Variants in UHRF2 observed in about 807,000 individuals in gnomAD.
The protein encoded by UHRF2 is E3 ubiquitin-protein ligase UHRF2.
In UHRF2, 23 loss-of-function variants were observed where a neutral mutation model predicts 96.8. The observed-to-expected ratio is 0.24, with a 90% CI of 0.17 to 0.34. UHRF2 has a LOEUF of 0.34. Among genes scored for constraint, UHRF2 ranks in the 10% least tolerant of loss-of-function variants. UHRF2 has a pLI of 1.00. For synonymous variants in UHRF2, 385 were observed against 332.6 expected, an observed-to-expected ratio of 1.16 and a Z score of -1.72; for missense variants, 685 against 981.5, an observed-to-expected ratio of 0.70 and a Z score of 4.04.
chr9:6,481,869 T>G (rs913310771), intron 7 of UHRF2, 103 bp downstream of exon 7: 3 of 1,536,264 alleles, frequency 2.0e-6, no homozygotes, highest in East Asian at 4.6e-5. Flanking sequence ...GTATCATTAT[T>G]TGTTAATATC....
chr9:6,435,471 G>T (rs535037705), intron 3 of UHRF2, among the ~76,000 whole-genome samples: 40 of 152,268 alleles, frequency 2.6e-4, no homozygotes, highest in South Asian at 1.9e-3. Flanking sequence ...TTCACATACA[G>T]TTTACCTGTT....
At chr9:6,462,666 C>G (rs570248566) in intron 4 of UHRF2, among the ~76,000 whole-genome samples, 1 of 152,324 alleles carries the variant, frequency 6.6e-6, no homozygotes, top group African/African-American at 2.4e-5. Context: ...TGCCTGTAAT[C>G]CCAGCACTTT....
At chr9:6,424,641 AT>A (rs1448440947) in intron 2 of UHRF2, among the ~76,000 whole-genome samples, 1 of 151,968 alleles carries the variant, frequency 6.6e-6, no homozygotes. Context: ...AGTGTGGTGT[AT>A]TTGTTGAAAT....
intron 9 of UHRF2, among the ~76,000 whole-genome samples, chr9:6,489,002 G>GT (rs1219315134): frequency 6.6e-6 from 1 of 151,756 alleles, no homozygotes; most frequent in Non-Finnish European, 1.5e-5. Flanking sequence ...TATAGGTGGG[G>GT]TTTCACCATG....
chr9:6,506,905 G>T lies in UHRF2; in HGVS notation c.*726G>T, dbSNP rs919778667. The T allele has an allele frequency of 2.0e-5, 3 of 152,634 alleles. No individual in the cohort carries two copies. Among genetic ancestry groups the T allele is most frequent in the Non-Finnish European group, 4.4e-5 (3 of 68,040 alleles). 9.5% of individuals were successfully genotyped at this position (152,634 alleles called of 1,614,324 possible). On this transcript the variant is annotated 3_prime_UTR_variant, in exon 16 of 16. Transcript: ENST00000276893. The stretch of plus-strand genomic sequence containing the variant: ...TTCTCTACTAGTCGAACTGCTTTTA[G>T]TGTCTCACCAGTGGTTTTACATCTG...
At chr9:6,465,733 T>C (rs1022918766) in intron 4 of UHRF2, among the ~76,000 whole-genome samples, 1 of 152,180 alleles carries the variant, frequency 6.6e-6, no homozygotes, top group East Asian at 1.9e-4. Flanking sequence ...ATCCTCTCTA[T>C]TGTATTGAAG....
intron 10 of UHRF2, chr9:6,496,033 T>C (rs1273813334): frequency 6.6e-6 from 1 of 152,166 alleles, no homozygotes; most frequent in African/African-American, 2.4e-5. Flanking sequence ...CTTCAACTCT[T>C]TGACCACAGC....
intron 10 of UHRF2, chr9:6,496,364 G>C (rs887218046): frequency 2.6e-5 from 4 of 152,158 alleles, no homozygotes; most frequent in African/African-American, 9.7e-5. Flanking sequence ...TTTTAAAATA[G>C]TAAAAATAAC....
intron 3 of UHRF2, among the ~76,000 whole-genome samples, chr9:6,445,981 C>CTTTGTTTTTTGTTTTT (rs751155835): frequency 3.8e-5 from 3 of 78,898 alleles, no homozygotes; most frequent in Admixed American, 1.6e-4. Flanking sequence ...CCCCGCCACC[C>CTTTGTTTTTTGTTTTT]TTTTTTTTTT....
Position 6,475,513 on chromosome 9 carries a change from G to T in UHRF2, c.973+13G>T. On this transcript the variant is annotated intron_variant, in intron 5 of 15. Coordinates refer to ENST00000276893, the MANE Select transcript of UHRF2 (RefSeq NM_152896.3). ...GGAAAGTTTTTAAGTATGGATTTTT[G>T]TTTTTGGTCTTAGACTACATGTGTT... 1 of 1,553,416 alleles carries T rather than the reference G, an allele frequency of 6.4e-7. No homozygotes were observed.
intron 5 of UHRF2, among the ~76,000 whole-genome samples, chr9:6,476,832 A>G (rs1823602973): frequency 6.6e-6 from 1 of 152,056 alleles, no homozygotes; most frequent in Non-Finnish European, 1.5e-5. Context: ...TGAGCTCGTG[A>G]TCCGCCCAAC....
At chr9:6,474,575 G>T (rs967093822) in intron 4 of UHRF2, among the ~76,000 whole-genome samples, 28 of 152,112 alleles carry the variant, frequency 1.8e-4, no homozygotes, top group African/African-American at 6.8e-4. Context: ...GTATGGTGGC[G>T]CAGGCCTGTA....
chr9:6,414,648 A>C (rs1487380463), intron 1 of UHRF2, among the ~76,000 whole-genome samples: 1 of 152,202 alleles, frequency 6.6e-6, no homozygotes, highest in Non-Finnish European at 1.5e-5. Context: ...GTTTGGCTCC[A>C]ATCCTGTGGT....
chr9:6,488,228 C>CAG (rs1824426414), intron 9 of UHRF2, among the ~76,000 whole-genome samples: 1 of 118,812 alleles, frequency 8.4e-6, no homozygotes, highest in Non-Finnish European at 1.6e-5. Flanking sequence ...CCTGGGTGAA[C>CAG]AGAGAGCAAG....
chr9:6,479,255 C>G (rs1193467531), intron 6 of UHRF2, among the ~76,000 whole-genome samples: 1 of 152,188 alleles, frequency 6.6e-6, no homozygotes, highest in Non-Finnish European at 1.5e-5. Flanking sequence ...TTTCCTTCCA[C>G]TGTATCTGCT....
At chr9:6,486,763 T>A in intron 8 of UHRF2, 58 bp from the exon 9 acceptor site, 1 of 1,538,622 alleles carries the variant, frequency 6.5e-7, no homozygotes, top group South Asian at 1.2e-5. Flanking sequence ...GAAAGCATTT[T>A]GTAAATGTAT....
chr9:6,439,833 T>C (rs1435820289), intron 3 of UHRF2, among the ~76,000 whole-genome samples: 1 of 152,180 alleles, frequency 6.6e-6, no homozygotes, highest in Non-Finnish European at 1.5e-5. Context: ...AGAGAGACTA[T>C]ACTTGAATGA....
At position 6,482,033 on chromosome 9, in the gene UHRF2, C is replaced by G. The variant is rs1458671232; in HGVS notation, c.1326C>G (p.Val442=). 1 of 1,613,714 alleles carries G rather than the reference C, an allele frequency of 6.2e-7. No individual in the cohort carries two copies. Among genetic ancestry groups the G allele is most frequent in the Non-Finnish European group, 8.5e-7 (1 of 1,179,926 alleles). Residue 442 remains valine (V), a synonymous_variant, in exon 8 of 16, where the codon GTC becomes GTG. Transcript: ENST00000276893. ...GTCGTACGAGAGAATGTACTATTGTCCCTTCTAATCATTATGGACCCATTC... is the reference window on the plus strand; with the variant it reads ...GTCGTACGAGAGAATGTACTATTGTGCCTTCTAATCATTATGGACCCATTC... ...CVGRTRECTI[V]PSNHYGPIPG...
chr9:6,441,465 C>T (rs76872189), intron 3 of UHRF2, among the ~76,000 whole-genome samples: 3,307 of 151,958 alleles, frequency 0.022, 128 homozygotes, highest in African/African-American at 0.074. Flanking sequence ...ATGAATCAGT[C>T]CTGGAGTTGG....
Sources: allele counts gnomAD v4.1 joint callset (sites outside exome capture counted in the v4.1 genomes callset), GRCh38; gene constraint gnomAD v4.1.1; transcripts MANE v1.5; gene names NCBI Gene and HGNC (gene_info 2026-07-23, HGNC 2026-07-21).